Variants in YEATS2 observed in about 807,000 individuals in gnomAD.
YEATS2 encodes the protein YEATS domain-containing protein 2.
YEATS2 carries 77 observed loss-of-function variants against 163.2 expected under a neutral mutation model. The observed-to-expected ratio is 0.47, with a 90% CI of 0.39 to 0.57. The LOEUF is 0.57. Ranked by LOEUF, YEATS2 falls within the 20% of genes least tolerant of loss-of-function variation. The probability of loss-of-function intolerance (pLI) is 0.00; values close to 1 mark genes in which losing one functional copy is unlikely to be tolerated. For missense variants in YEATS2, 1,549 were observed against 1,729.8 expected (o/e 0.90, Z 1.85); for synonymous variants, 631 against 645.1 (o/e 0.98, Z 0.33).
chr3:183,780,185 T>C (rs1723428003), intron 19 of YEATS2, among the ~76,000 whole-genome samples: 1 of 152,076 alleles, frequency 6.6e-6, no homozygotes, highest in Non-Finnish European at 1.5e-5. Flanking sequence ...AAAATACTCT[T>C]CCCTTTTCCA....
chr3:183,734,869 A>T (rs1185511256), intron 7 of YEATS2, among the ~76,000 whole-genome samples: 1 of 152,134 alleles, frequency 6.6e-6, no homozygotes, highest in Non-Finnish European at 1.5e-5. Context: ...TCAATGGTTT[A>T]TTTCACCTTC....
At chr3:183,766,526 A>C (rs1313187391) in intron 15 of YEATS2, among the ~76,000 whole-genome samples, 1 of 152,240 alleles carries the variant, frequency 6.6e-6, no homozygotes. Context: ...TAATCAAAGC[A>C]TGAATCGAAG....
At chr3:183,708,857 C>CTG (rs1407089392) in intron 1 of YEATS2, among the ~76,000 whole-genome samples, 14 of 152,048 alleles carry the variant, frequency 9.2e-5, no homozygotes, top group Non-Finnish European at 7.4e-5. Context: ...GAGTAAGACT[C>CTG]TGTCTCTAAA....
chr3:183,792,929 C>T (rs1724795014), intron 21 of YEATS2, among the ~76,000 whole-genome samples: 1 of 152,190 alleles, frequency 6.6e-6, no homozygotes, highest in South Asian at 2.1e-4. Flanking sequence ...TATTTGATTA[C>T]ATCATACTGT....
chr3:183,767,004 C>T (rs1221608545), intron 15 of YEATS2, among the ~76,000 whole-genome samples: 1 of 152,100 alleles, frequency 6.6e-6, no homozygotes, highest in Non-Finnish European at 1.5e-5. Flanking sequence ...AAATAACAAA[C>T]TAATTTTGGG....
chr3:183,754,178 A>G lies in YEATS2; in HGVS notation c.1203A>G (p.Pro401=), dbSNP rs188172785. Residue 401 remains proline, a synonymous_variant, in exon 11 of 31, where the codon CCA becomes CCG. Transcript: ENST00000305135. ...AERHTPFYAL[P]SSLERTPTKM... ...GACACACTCCGTTTTATGCTTTGCC[A>G]TCTTCATTGGAAAGAACACCCACCA... The G allele has an allele frequency of 8.1e-5, 131 of 1,612,198 alleles. No individual in the cohort carries two copies. In the African/African-American group the frequency reaches 1.3e-3, roughly 17 times the overall value.
At chr3:183,795,169 C>T (rs1725016703) in intron 21 of YEATS2, among the ~76,000 whole-genome samples, 1 of 102,272 alleles carries the variant, frequency 9.8e-6, no homozygotes, top group Non-Finnish European at 2.1e-5. Flanking sequence ...AAGACACTGT[C>T]TCAAAAAAAA....
rs990377731 is a variant in YEATS2, at chr3:183,697,842, C to G, written c.-171C>G. On this transcript the variant is annotated 5_prime_UTR_variant, in exon 1 of 31. Coordinates refer to ENST00000305135, the MANE Select transcript of YEATS2 (RefSeq NM_018023.5). ...TGCGGGGCGGAACGCGCCGGGCGGG[C>G]TCCACCGCGCCGTGTGCTTCCGCAG... 6.6e-6 allele frequency: 1 copy of G among 150,684 alleles called. No homozygotes were observed. The highest frequency in any genetic ancestry group is 2.1e-4 in the South Asian group (1 of 4,828). 9.3% of individuals were successfully genotyped at this position (150,684 alleles called of 1,614,324 possible). A position where few individuals can be genotyped will look rare whatever the true frequency, so the allele number is the denominator to read the frequency against.
chr3:183,708,186 G>A (rs1360076589), intron 1 of YEATS2, among the ~76,000 whole-genome samples: 3 of 122,606 alleles, frequency 2.4e-5, no homozygotes, highest in Non-Finnish European at 4.9e-5. Context: ...TTTTTGATAC[G>A]GAGTCTTGCT....
chr3:183,790,934 C>A lies in YEATS2; in HGVS notation c.3051C>A (p.Ser1017=). The change falls in exon 21 of 31, where the codon TCC becomes TCA. Residue 1017 remains serine (S), a synonymous_variant. Transcript: ENST00000305135. ...CCCCCACCGTCGTCAGCGCCACGTC[C>A]CTCGTGCCTACACCAAACCCCATCT... is the stretch of plus-strand genomic sequence containing the variant. The part of the protein sequence containing the change: ...AATPTVVSAT[S]LVPTPNPISG... 1.2e-6 allele frequency: 2 copies of A among 1,614,196 alleles called. No individual in the cohort carries two copies. The highest frequency in any genetic ancestry group is 1.7e-6 in the Non-Finnish European group (2 of 1,180,038).
At chr3:183,712,226 T>TATGTTATG in intron 1 of YEATS2, among the ~76,000 whole-genome samples, 5 of 147,208 alleles carry the variant, frequency 3.4e-5, no homozygotes, top group African/African-American at 1.3e-4. Context: ...TATTTTATTT[T>TATGTTATG]TTGAGACAGA....
Position 183,752,102 on chromosome 3 carries a change from T to C in YEATS2, c.999T>C (p.Ser333=). 6.2e-7 allele frequency: 1 copy of C among 1,614,138 alleles called. No homozygotes were observed. The highest frequency in any genetic ancestry group is 8.5e-7 in the Non-Finnish European group (1 of 1,180,032). ...TVVDVELHRH[S]LGEDCIYPQS... ...TGGATGTTGAACTCCATCGCCATTC[T>C]CTCGGAGAAGACTGTATCTATCCTC... The change falls in exon 10 of 31, where the codon TCT becomes TCC. Residue 333 remains serine (S), a synonymous_variant. Transcript: ENST00000305135.
intron 1 of YEATS2, among the ~76,000 whole-genome samples, chr3:183,706,211 C>T (rs917280134): frequency 1.3e-5 from 2 of 151,910 alleles, no homozygotes; most frequent in African/African-American, 4.8e-5. Flanking sequence ...AAGAAAAGAG[C>T]ATTCCAGATA....
chr3:183,704,932 AT>A (rs1714473762), intron 1 of YEATS2, among the ~76,000 whole-genome samples: 1 of 152,064 alleles, frequency 6.6e-6, no homozygotes, highest in Admixed American at 6.6e-5. Flanking sequence ...TCCGACCTTA[AT>A]GAACTTTTAT....
At chr3:183,806,234 A>G (rs1726183582) in intron 27 of YEATS2, 1 of 452,610 alleles carries the variant, frequency 2.2e-6, no homozygotes, top group Non-Finnish European at 4.4e-6. Flanking sequence ...CCCAGCCATC[A>G]TAACTTGAGG....
At chr3:183,743,898 C>CT (rs1470200392) in intron 8 of YEATS2, among the ~76,000 whole-genome samples, 2 of 152,066 alleles carry the variant, frequency 1.3e-5, no homozygotes, top group African/African-American at 4.8e-5. Context: ...CTCTTTCAAG[C>CT]TTAAGCCATG....
At chr3:183,780,254 G>A (rs1157829086) in intron 19 of YEATS2, among the ~76,000 whole-genome samples, 4 of 152,110 alleles carry the variant, frequency 2.6e-5, no homozygotes, top group Non-Finnish European at 5.9e-5. Flanking sequence ...AGGAGGAAGC[G>A]GGGGCGCAGG....
At chr3:183,732,647 C>T (rs1717917169) in intron 7 of YEATS2, among the ~76,000 whole-genome samples, 1 of 151,668 alleles carries the variant, frequency 6.6e-6, no homozygotes, top group Admixed American at 6.6e-5. Context: ...GCAAGCTCCG[C>T]CTCCCGGGTT....
chr3:183,713,626 T>C (rs1009240291), intron 1 of YEATS2, among the ~76,000 whole-genome samples: 3 of 152,224 alleles, frequency 2.0e-5, no homozygotes, highest in African/African-American at 7.2e-5. Flanking sequence ...ACGTGGCTCA[T>C]GTTATATTTT....
Sources: allele counts gnomAD v4.1 joint callset (sites outside exome capture counted in the v4.1 genomes callset), GRCh38; gene constraint gnomAD v4.1.1; transcripts MANE v1.5; gene names NCBI Gene and HGNC (gene_info 2026-07-23, HGNC 2026-07-21).